Variants in NKAIN2 observed in about 807,000 individuals in gnomAD.
NKAIN2 encodes sodium/potassium transporting ATPase interacting 2.
NKAIN2 carries 14 observed loss-of-function variants against 32.6 expected under a neutral mutation model. The observed-to-expected ratio is 0.43, with a 90% CI of 0.28 to 0.67. The LOEUF is 0.67. Ranked by LOEUF, NKAIN2 falls within the 30% of genes least tolerant of loss-of-function variation. The pLI, the probability that NKAIN2 is intolerant of heterozygous loss-of-function variation, is 0.17. For synonymous variants in NKAIN2, 80 were observed against 87.2 expected (o/e 0.92, Z 0.46); for missense variants, 198 against 258.3 (o/e 0.77, Z 1.60).
At chr6:124,320,272 C>A (rs1028725250) in intron 2 of NKAIN2, among the ~76,000 whole-genome samples, 1 of 152,130 alleles carries the variant, frequency 6.6e-6, no homozygotes, top group African/African-American at 2.4e-5. Flanking sequence ...AAAATGGCAT[C>A]CATCTCTAAT....
intron 1 of NKAIN2, among the ~76,000 whole-genome samples, chr6:123,960,698 C>T (rs1250034697): frequency 6.6e-6 from 1 of 151,742 alleles, no homozygotes; most frequent in Admixed American, 6.6e-5. Flanking sequence ...TGGAAGCAGG[C>T]CCCCAGCCTT....
chr6:124,798,261 C>T (rs1490696077), intron 5 of NKAIN2, among the ~76,000 whole-genome samples: 11 of 152,054 alleles, frequency 7.2e-5, no homozygotes, highest in Non-Finnish European at 1.5e-5. Flanking sequence ...TCTTGGGTGC[C>T]AGGTTGACAG....
chr6:124,365,623 A>G (rs1006043012), intron 3 of NKAIN2, among the ~76,000 whole-genome samples: 13 of 151,966 alleles, frequency 8.6e-5, no homozygotes, highest in African/African-American at 2.7e-4. Flanking sequence ...GGATACATCA[A>G]TCAGATGAAA....
At chr6:124,453,695 G>A (rs1776207805) in intron 3 of NKAIN2, among the ~76,000 whole-genome samples, 2 of 152,030 alleles carry the variant, frequency 1.3e-5, no homozygotes, top group African/African-American at 4.8e-5. Flanking sequence ...CTGAAATTTT[G>A]TATCATCTCT....
rs1047671228 is a variant in NKAIN2 at position 124,459,716 on chromosome 6, G to C, written c.273+104369G>C. On this transcript the variant is annotated intron_variant, in intron 3 of 6. Transcript: ENST00000368417. The stretch of plus-strand genomic sequence containing the variant: ...ATATTGCTTCATCAGTTTTCTTTCT[G>C]TTGGTATAATATAACTATAGTCATC... Among the ~76,000 whole-genome samples the C allele has an allele frequency of 2.0e-5, 3 of 151,712 alleles. No homozygotes were observed. The Middle Eastern group carries it at 0.01, about 520-fold the overall frequency.
intron 5 of NKAIN2, among the ~76,000 whole-genome samples, chr6:124,814,913 CA>C (rs1781076298): frequency 1.3e-5 from 2 of 151,978 alleles, no homozygotes; most frequent in Non-Finnish European, 2.9e-5. Context: ...AAAACAAACT[CA>C]ATAATAATAA....
intron 4 of NKAIN2, among the ~76,000 whole-genome samples, chr6:124,747,142 T>G (rs1190126812): frequency 1.3e-5 from 2 of 151,878 alleles, no homozygotes; most frequent in East Asian, 3.9e-4. Flanking sequence ...ATAATAGCCC[T>G]GTAAGTTTTG....
intron 3 of NKAIN2, among the ~76,000 whole-genome samples, chr6:124,633,158 A>G (rs1783636842): frequency 6.6e-6 from 1 of 152,194 alleles, no homozygotes; most frequent in Non-Finnish European, 1.5e-5. Flanking sequence ...AGAGGCAAGA[A>G]AGTACAGTGG....
At chr6:124,779,318 GGGAA>G (rs869195660) in intron 4 of NKAIN2, among the ~76,000 whole-genome samples, 9,101 of 52,262 alleles carry the variant, frequency 0.17, 966 homozygotes, top group Non-Finnish European at 0.19. Flanking sequence ...GAGGGAGGGA[GGGAA>G]GGAAGGAAGG....
intron 1 of NKAIN2, among the ~76,000 whole-genome samples, chr6:123,896,674 T>A (rs959963729): frequency 2.0e-5 from 3 of 152,198 alleles, no homozygotes; most frequent in African/African-American, 7.2e-5. Context: ...TGTTTGTTTG[T>A]TTTGCAGGCT....
At chr6:123,973,707 C>T (rs1778434549) in intron 1 of NKAIN2, among the ~76,000 whole-genome samples, 1 of 151,958 alleles carries the variant, frequency 6.6e-6, no homozygotes, top group African/African-American at 2.4e-5. Context: ...GCAAAAACTG[C>T]AATTACTTTT....
At chr6:124,162,184 ATGAG>A (rs1788314860) in intron 1 of NKAIN2, among the ~76,000 whole-genome samples, 3 of 152,024 alleles carry the variant, frequency 2.0e-5, no homozygotes, top group Admixed American at 2.0e-4. Flanking sequence ...AAAGAGAGAT[ATGAG>A]TGTATACCTG....
intron 1 of NKAIN2, among the ~76,000 whole-genome samples, chr6:123,805,023 A>G (rs1028622874): frequency 1.3e-5 from 2 of 152,178 alleles, no homozygotes; most frequent in Admixed American, 6.5e-5. Flanking sequence ...GGAATGTTGT[A>G]CAGTTGCAAA....
chr6:123,920,878 A>G (rs1775720673), intron 1 of NKAIN2, among the ~76,000 whole-genome samples: 1 of 152,182 alleles, frequency 6.6e-6, no homozygotes, highest in Admixed American at 6.5e-5. Context: ...AAGATGTCAG[A>G]CAAGAATACG....
intron 3 of NKAIN2, among the ~76,000 whole-genome samples, chr6:124,432,366 C>T (rs559949229): frequency 6.6e-6 from 1 of 152,276 alleles, no homozygotes; most frequent in South Asian, 2.1e-4. Context: ...CAGTTGTGTG[C>T]TTTTATAGAT....
intron 3 of NKAIN2, among the ~76,000 whole-genome samples, chr6:124,522,473 A>G (rs1329935382): frequency 6.6e-6 from 1 of 152,208 alleles, no homozygotes; most frequent in Admixed American, 6.5e-5. Flanking sequence ...GAGGCTGTGT[A>G]TGAAATAAAT....
chr6:124,341,292 T>C (rs2115083498), intron 2 of NKAIN2, among the ~76,000 whole-genome samples: 1 of 152,206 alleles, frequency 6.6e-6, no homozygotes, highest in African/African-American at 2.4e-5. Context: ...GACACATATG[T>C]TATAGAATAC....
intron 1 of NKAIN2, among the ~76,000 whole-genome samples, chr6:124,258,994 A>G (rs1329144453): frequency 6.6e-6 from 1 of 152,158 alleles, no homozygotes; most frequent in Non-Finnish European, 1.5e-5. Flanking sequence ...GTAAATCCAG[A>G]TGAAAGCACA....
At chr6:124,755,411 C>T (rs1466007283) in intron 4 of NKAIN2, among the ~76,000 whole-genome samples, 1 of 152,212 alleles carries the variant, frequency 6.6e-6, no homozygotes, top group African/African-American at 2.4e-5. Context: ...TCTTGTCTGG[C>T]AACACCCTCA....
Sources: gnomAD v4.1 joint callset for allele counts (sites outside exome capture counted in the v4.1 genomes callset) on GRCh38, gnomAD v4.1.1 for gene constraint, MANE v1.5 for transcripts, NCBI Gene and HGNC (gene_info 2026-07-23, HGNC 2026-07-21) for gene names.